The following EPHA3 variants were observed in gnomAD, a reference collection of about 807,000 sequenced individuals.
The protein encoded by EPHA3 is EPH receptor A3.
EPHA3 carries 42 observed loss-of-function variants against 107.1 expected under a neutral mutation model. The ratio of observed to expected loss-of-function variants is 0.39; its 90% CI spans 0.31 to 0.51. EPHA3 has a LOEUF of 0.51. Among genes scored for constraint, EPHA3 ranks in the 20% least tolerant of loss-of-function variants. EPHA3 has a pLI of 0.78. For synonymous variants in EPHA3, 461 were observed against 424.8 expected (o/e 1.09, Z -1.05); for missense variants, 1,183 against 1,211.2 (o/e 0.98, Z 0.35).
At chr3:89,345,418 G>A (rs1208263036) in intron 5 of EPHA3, among the ~76,000 whole-genome samples, 1 of 151,084 alleles carries the variant, frequency 6.6e-6, no homozygotes, top group Non-Finnish European at 1.5e-5. Context: ...TCATTCACAT[G>A]TGTGAAAATA....
chr3:89,178,783 T>G (rs1705373942), intron 2 of EPHA3, among the ~76,000 whole-genome samples: 1 of 151,846 alleles, frequency 6.6e-6, no homozygotes, highest in Admixed American at 6.6e-5. Flanking sequence ...CAGAAGAAAT[T>G]TATATTTTAT....
chr3:89,211,799 T>C lies in EPHA3; in HGVS notation c.814+1279T>C, dbSNP rs868171516. ...TTCTTCTTCTTCTTCTTCTTCTTCTTCTTCTTCTTCTTCTTCTTCTCCTTC... is the reference window on the plus strand; with the variant it reads ...TTCTTCTTCTTCTTCTTCTTCTTCTCCTTCTTCTTCTTCTTCTTCTCCTTC... On this transcript the variant is annotated intron_variant, in intron 3 of 16. Coordinates refer to ENST00000336596, the MANE Select transcript of EPHA3 (RefSeq NM_005233.6). Among the ~76,000 whole-genome samples, 776 of 99,196 alleles carry C rather than the reference T, an allele frequency of 7.8e-3. 9 individuals are homozygous for C. The highest frequency in any genetic ancestry group is 0.026 in the African/African-American group (602 of 22,970). 65.1% of individuals were successfully genotyped at this position (99,196 alleles called of 152,430 possible).
chr3:89,229,761 G>A (rs1394033654), intron 3 of EPHA3, among the ~76,000 whole-genome samples: 1 of 151,844 alleles, frequency 6.6e-6, no homozygotes, highest in African/African-American at 2.4e-5. Context: ...TAAATGGCGA[G>A]TTAATTGGAA....
chr3:89,231,250 A>C (rs1337900024), intron 3 of EPHA3, among the ~76,000 whole-genome samples: 1 of 152,180 alleles, frequency 6.6e-6, no homozygotes, highest in African/African-American at 2.4e-5. Flanking sequence ...TATACAAAAC[A>C]TTAATGACCC....
chr3:89,476,519 T>C (rs1187429429), intron 16 of EPHA3, among the ~76,000 whole-genome samples: 3 of 98,066 alleles, frequency 3.1e-5, no homozygotes, highest in East Asian at 4.6e-4. Context: ...ATATAAATAT[T>C]ATATATATAT....
chr3:89,456,890 T>A (rs1253008870), intron 15 of EPHA3, among the ~76,000 whole-genome samples: 1 of 152,154 alleles, frequency 6.6e-6, no homozygotes, highest in Non-Finnish European at 1.5e-5. Context: ...TTATGTTAGG[T>A]CCTGTGATGA....
chr3:89,112,721 C>G (rs1707142980), intron 1 of EPHA3, among the ~76,000 whole-genome samples: 1 of 151,468 alleles, frequency 6.6e-6, no homozygotes, highest in Non-Finnish European at 1.5e-5. Flanking sequence ...AAACTTTCCT[C>G]AAATCATCAA....
At chr3:89,332,330 T>C (rs1304363112) in intron 3 of EPHA3, among the ~76,000 whole-genome samples, 1 of 152,184 alleles carries the variant, frequency 6.6e-6, no homozygotes, top group Non-Finnish European at 1.5e-5. Context: ...TCTTACTAAA[T>C]CTGATGCAAT....
At chr3:89,427,588 T>C (rs928623990) in intron 11 of EPHA3, among the ~76,000 whole-genome samples, 12 of 151,956 alleles carry the variant, frequency 7.9e-5, no homozygotes, top group Non-Finnish European at 1.8e-4. Flanking sequence ...GCTGGACTTA[T>C]AACTAAAATA....
chr3:89,377,199 CA>C (rs1457673255), intron 5 of EPHA3, among the ~76,000 whole-genome samples: 1 of 151,960 alleles, frequency 6.6e-6, no homozygotes, highest in Non-Finnish European at 1.5e-5. Flanking sequence ...AAGCACTTCC[CA>C]ACCTGTCTCT....
chr3:89,243,618 T>C (rs1704962177), intron 3 of EPHA3, among the ~76,000 whole-genome samples: 1 of 152,202 alleles, frequency 6.6e-6, no homozygotes, highest in South Asian at 2.1e-4. Flanking sequence ...TTTTTTCTTG[T>C]AAATTTGTTT....
Position 89,472,481 on chromosome 3 carries a change from T to C in EPHA3, c.2708T>C (p.Leu903Pro). The C allele has an allele frequency of 1.2e-6, 2 of 1,613,928 alleles. No individual in the cohort carries two copies. Among genetic ancestry groups the C allele is most frequent in the Non-Finnish European group, 1.7e-6 (2 of 1,179,878 alleles). ...TCTTGCAGGCCATCAAACCTTCTTCTGGACCAAAGCAATGTGGATATCACT... is the reference window on the plus strand; with the variant it reads ...TCTTGCAGGCCATCAAACCTTCTTCCGGACCAAAGCAATGTGGATATCACT... ...SAAARPSNLL[L>P]DQSNVDITTF... The change falls in exon 16 of 17, where the codon CTG becomes CCG. Residue 903 changes from leucine (L) to proline (P), a missense_variant. Physicochemically the swap from Leu to Pro is moderately conservative, Grantham distance 98. Transcript: ENST00000336596.
chr3:89,394,356 A>G (rs548925821), intron 5 of EPHA3, among the ~76,000 whole-genome samples: 3 of 152,310 alleles, frequency 2.0e-5, no homozygotes, highest in South Asian at 4.1e-4. Flanking sequence ...TCACATCACT[A>G]CACTCTAGCC....
intron 13 of EPHA3, among the ~76,000 whole-genome samples, chr3:89,448,077 T>A (rs887288057): frequency 1.3e-5 from 2 of 152,168 alleles, no homozygotes; most frequent in African/African-American, 4.8e-5. Context: ...GTCACTTAAT[T>A]CATAAGTGCC....
At chr3:89,372,746 C>T (rs1323739809) in intron 5 of EPHA3, among the ~76,000 whole-genome samples, 1 of 151,760 alleles carries the variant, frequency 6.6e-6, no homozygotes, top group East Asian at 1.9e-4. Context: ...CTGTGGTTAA[C>T]ATTATTCTTG....
intron 15 of EPHA3, among the ~76,000 whole-genome samples, chr3:89,458,628 C>A (rs540204268): frequency 6.6e-6 from 1 of 152,148 alleles, no homozygotes; most frequent in African/African-American, 2.4e-5. Flanking sequence ...CTAATTTACA[C>A]GCCCACCAAC....
chr3:89,163,671 G>A (rs1704997836), intron 2 of EPHA3, among the ~76,000 whole-genome samples: 1 of 152,112 alleles, frequency 6.6e-6, no homozygotes, highest in African/African-American at 2.4e-5. Context: ...GGGAAATCGA[G>A]GACTCTTGTC....
At chr3:89,265,103 TAGAG>T (rs1395445091) in intron 3 of EPHA3, among the ~76,000 whole-genome samples, 2 of 152,172 alleles carry the variant, frequency 1.3e-5, no homozygotes, top group Non-Finnish European at 2.9e-5. Flanking sequence ...AGCAACAATA[TAGAG>T]AGACTCTCCC....
rs753762127 is a variant in EPHA3, at chr3:89,399,491, T to C, written c.1594+11T>C. 31 of 1,613,706 alleles carry C rather than the reference T, an allele frequency of 1.9e-5. No individual in the cohort carries two copies. The highest frequency in any genetic ancestry group is 2.5e-5 in the Non-Finnish European group (30 of 1,179,672). The stretch of plus-strand genomic sequence containing the variant: ...AAACTAGTCCAGACTGTATGTATTA[T>C]TTCAATGCAGTCTAGAGGAGGGGGC... On this transcript the variant is annotated intron_variant, in intron 7 of 16. Transcript: ENST00000336596.
Sources: allele counts gnomAD v4.1 joint callset (sites outside exome capture counted in the v4.1 genomes callset), GRCh38; gene constraint gnomAD v4.1.1; transcripts MANE v1.5; gene names NCBI Gene and HGNC (gene_info 2026-07-23, HGNC 2026-07-21).